PRKG1: variants seen among roughly 807,000 people sequenced by gnomAD.
PRKG1 encodes the protein protein kinase cGMP-dependent 1.
A neutral mutation model predicts 88.1 loss-of-function variants in PRKG1; 35 were observed. The observed-to-expected ratio is 0.40, with a 90% CI of 0.30 to 0.53. PRKG1 has a LOEUF of 0.53. Ranked by LOEUF, PRKG1 falls within the 20% of genes least tolerant of loss-of-function variation. The pLI is 0.59. For synonymous variants in PRKG1, 303 were observed against 292.5 expected, an observed-to-expected ratio of 1.04 and a Z score of -0.37; for missense variants, 540 against 839.8, an observed-to-expected ratio of 0.64 and a Z score of 4.41.
intron 2 of PRKG1, among the ~76,000 whole-genome samples, chr10:51,380,436 T>C (rs1837053393): frequency 6.6e-6 from 1 of 152,166 alleles, no homozygotes; most frequent in African/African-American, 2.4e-5. Context: ...TGTTTCTATT[T>C]TGTTTATTTC....
intron 2 of PRKG1, among the ~76,000 whole-genome samples, chr10:51,180,394 G>T (rs1418683013): frequency 6.6e-6 from 1 of 152,168 alleles, no homozygotes; most frequent in Non-Finnish European, 1.5e-5. Context: ...TTTGCTGTCT[G>T]CTTCCCTCCC....
rs538959271 is a variant in PRKG1, at chr10:51,389,557, A to C, written c.479-78166A>C. ...CATCCTGGGGCAGGCAGACAGCTCT[A>C]GGTTTGCACTTTCACCCTTCTACTT... On this transcript the variant is annotated intron_variant, in intron 2 of 17. Transcript: ENST00000373980. 1.0e-3 allele frequency among the ~76,000 whole-genome samples: 152 copies of C among 152,246 alleles called. 6 individuals carry two copies. In the South Asian group the frequency reaches 0.03, roughly 31 times the overall value.
At chr10:52,231,004 C>T (rs941059770) in intron 9 of PRKG1, 1 of 152,140 alleles carries the variant, frequency 6.6e-6, no homozygotes, top group Non-Finnish European at 1.5e-5. Context: ...TCTATGTGGT[C>T]ATTAGAAGGG....
intron 1 of PRKG1, among the ~76,000 whole-genome samples, chr10:51,016,669 C>CTTTTTTTTTTTT (rs1323068893): frequency 7.9e-4 from 18 of 22,786 alleles, no homozygotes; most frequent in Non-Finnish European, 1.1e-3. Flanking sequence ...TATTATTATC[C>CTTTTTTTTTTTT]TTTCTTTTTT....
intron 7 of PRKG1, among the ~76,000 whole-genome samples, chr10:52,122,486 G>A (rs554952145): frequency 6.6e-6 from 1 of 152,166 alleles, no homozygotes; most frequent in East Asian, 1.9e-4. Context: ...AAAATTACAT[G>A]TATCAATGTC....
At chr10:52,163,225 T>TTGTGTG (rs150295348) in intron 9 of PRKG1, among the ~76,000 whole-genome samples, 131 of 146,810 alleles carry the variant, frequency 8.9e-4, no homozygotes, top group African/African-American at 3.1e-3. Flanking sequence ...TTTCGTGTGT[T>TTGTGTG]TGTGTGTGTG....
intron 9 of PRKG1, among the ~76,000 whole-genome samples, chr10:52,168,316 G>A (rs1838549745): frequency 6.6e-6 from 1 of 152,136 alleles, no homozygotes; most frequent in African/African-American, 2.4e-5. Context: ...AAGCAAGGAG[G>A]TATGGAGAGC....
rs527609515 is a variant in PRKG1 at position 51,171,783 on chromosome 10, A to G, written c.478+18453A>G. ...TCACTTTCCTAAGCAACTTAAGGTCAGGAACTATTATGTTCTCTCTAAGCC... is the reference window on the plus strand; with the variant it reads ...TCACTTTCCTAAGCAACTTAAGGTCGGGAACTATTATGTTCTCTCTAAGCC... On this transcript the variant is annotated intron_variant, in intron 2 of 17. Transcript: ENST00000373980. Among the ~76,000 whole-genome samples, 6 of 152,230 alleles carry G rather than the reference A, an allele frequency of 3.9e-5. No homozygotes were observed. The South Asian group carries it at 1.2e-3, about 32-fold the overall frequency.
At chr10:51,484,488 G>A (rs1840469347) in intron 3 of PRKG1, among the ~76,000 whole-genome samples, 2 of 152,022 alleles carry the variant, frequency 1.3e-5, no homozygotes, top group African/African-American at 4.8e-5. Flanking sequence ...TGTTGCCAAG[G>A]CTGGTCTCAA....
chr10:51,863,364 T>C (rs1051132565), intron 4 of PRKG1, among the ~76,000 whole-genome samples: 3 of 152,348 alleles, frequency 2.0e-5, no homozygotes, highest in Middle Eastern at 6.8e-3. Flanking sequence ...TACTTGTCAC[T>C]TGTTGATGGT....
chr10:51,480,863 C>A (rs74828602), intron 3 of PRKG1, among the ~76,000 whole-genome samples: 1 of 151,774 alleles, frequency 6.6e-6, no homozygotes, highest in Non-Finnish European at 1.5e-5. Flanking sequence ...TCAGAAGATA[C>A]GTTAAGAAAT....
intron 3 of PRKG1, among the ~76,000 whole-genome samples, chr10:51,547,528 T>G (rs1468012374): frequency 6.6e-6 from 1 of 152,104 alleles, no homozygotes; most frequent in African/African-American, 2.4e-5. Context: ...TTACATTTGA[T>G]TTTATAGGAC....
At chr10:52,236,516 C>T (rs1278661312) in intron 9 of PRKG1, among the ~76,000 whole-genome samples, 1 of 58,694 alleles carries the variant, frequency 1.7e-5, no homozygotes, top group Non-Finnish European at 3.0e-5. Context: ...ATACAAACTA[C>T]CATCAGAGAA....
chr10:52,145,550 A>G (rs1589647200), intron 8 of PRKG1, among the ~76,000 whole-genome samples: 1 of 152,304 alleles, frequency 6.6e-6, no homozygotes, highest in South Asian at 2.1e-4. Flanking sequence ...TGTGTTCCAG[A>G]GGTAAACCAG....
At chr10:51,948,524 C>CTGTGTG (rs376853403) in intron 5 of PRKG1, among the ~76,000 whole-genome samples, 2 of 149,508 alleles carry the variant, frequency 1.3e-5, no homozygotes, top group African/African-American at 2.5e-5. Context: ...GTGTGTGTCT[C>CTGTGTG]TGTGTGTGTG....
At chr10:51,485,995 G>T (rs976420743) in intron 3 of PRKG1, among the ~76,000 whole-genome samples, 1 of 152,086 alleles carries the variant, frequency 6.6e-6, no homozygotes, top group African/African-American at 2.4e-5. Context: ...AAAGATGTTC[G>T]TTACCGTCAT....
chr10:52,087,992 A>G (rs1454175699), intron 7 of PRKG1, among the ~76,000 whole-genome samples: 2 of 152,204 alleles, frequency 1.3e-5, no homozygotes, highest in Admixed American at 6.5e-5. Flanking sequence ...AGGACTAATG[A>G]ACTTAGAAAA....
chr10:51,442,371 G>C (rs186106434), intron 2 of PRKG1, among the ~76,000 whole-genome samples: 522 of 151,934 alleles, frequency 3.4e-3, no homozygotes, highest in African/African-American at 0.012. Flanking sequence ...GCTAATTTAT[G>C]ATGGCAGTTC....
chr10:51,637,773 G>C (rs546144840), intron 3 of PRKG1, among the ~76,000 whole-genome samples: 1 of 152,146 alleles, frequency 6.6e-6, no homozygotes, highest in African/African-American at 2.4e-5. Context: ...TGTTGGGCAG[G>C]GGGTGGAAGG....
Sources: allele counts gnomAD v4.1 joint callset (sites outside exome capture counted in the v4.1 genomes callset), GRCh38; gene constraint gnomAD v4.1.1; transcripts MANE v1.5; gene names NCBI Gene and HGNC (gene_info 2026-07-23, HGNC 2026-07-21).